The following ANK1 variants were observed in gnomAD, a reference collection of about 807,000 sequenced individuals.
The protein encoded by ANK1 is ankyrin 1, also known as ankyrin-1.
In ANK1, 51 loss-of-function variants were observed where a neutral mutation model predicts 210.4. That is an observed-to-expected ratio of 0.24 (90% CI 0.19 to 0.31). The LOEUF (loss-of-function observed/expected upper bound fraction) is 0.31. Ranked by LOEUF, ANK1 falls within the 10% of genes least tolerant of loss-of-function variation. The probability of loss-of-function intolerance (pLI) is 1.00; values close to 1 mark genes in which losing one functional copy is unlikely to be tolerated. For synonymous variants in ANK1, 967 were observed against 1,025.9 expected (o/e 0.94, Z 1.10); for missense variants, 2,051 against 2,504.4 (o/e 0.82, Z 3.86).
chr8:41,686,736 A>C (rs559291008), intron 35 of ANK1, among the ~76,000 whole-genome samples: 46 of 152,240 alleles, frequency 3.0e-4, no homozygotes, highest in Admixed American at 1.6e-3. Context: ...GAGAACAGAA[A>C]TGGACTCCTG....
intron 3 of ANK1, among the ~76,000 whole-genome samples, chr8:41,733,648 C>T (rs1167015841): frequency 3.3e-5 from 5 of 152,188 alleles, no homozygotes; most frequent in African/African-American, 7.2e-5. Flanking sequence ...TGCTGGGATT[C>T]GACTCCAGGC....
At chr8:41,855,096 G>A (rs1259812848) in intron 1 of ANK1, among the ~76,000 whole-genome samples, 1 of 152,174 alleles carries the variant, frequency 6.6e-6, no homozygotes, top group Non-Finnish European at 1.5e-5. Flanking sequence ...CAGAGACTAT[G>A]TCTTATTCAT....
chr8:41,787,908 G>GA (rs1313009796), intron 1 of ANK1, among the ~76,000 whole-genome samples: 2 of 152,050 alleles, frequency 1.3e-5, no homozygotes, highest in Admixed American at 6.5e-5. Context: ...CAGTGACCTA[G>GA]AAATGGCTAC....
At chr8:41,706,853 C>CTT (rs1276194391) in intron 17 of ANK1, among the ~76,000 whole-genome samples, 1 of 152,168 alleles carries the variant, frequency 6.6e-6, no homozygotes, top group Non-Finnish European at 1.5e-5. Flanking sequence ...CATCCCAGCA[C>CTT]TTTGGAAGGC....
intron 1 of ANK1, among the ~76,000 whole-genome samples, chr8:41,866,230 C>T (rs1461013751): frequency 6.6e-6 from 1 of 152,192 alleles, no homozygotes; most frequent in Non-Finnish European, 1.5e-5. Context: ...TACTCTGTTA[C>T]CCATGCTGAA....
intron 1 of ANK1, among the ~76,000 whole-genome samples, chr8:41,863,228 G>A (rs1205489746): frequency 1.3e-5 from 2 of 150,558 alleles, no homozygotes; most frequent in Non-Finnish European, 3.0e-5. Flanking sequence ...GCGTTGTGGC[G>A]GGCGCCTGTA....
Position 41,835,468 on chromosome 8 carries a change from A to T in ANK1, c.126+60887T>A, listed in dbSNP as rs561541151. 3.2e-4 allele frequency among the ~76,000 whole-genome samples: 49 copies of T among 152,170 alleles called. 1 individual carries two copies. Among genetic ancestry groups the T allele is most frequent in the African/African-American group, 1.1e-3 (46 of 41,542 alleles). On this transcript the variant is annotated intron_variant, in intron 1 of 42. Coordinates refer to the ANK1 transcript ENST00000265709. ...CTCCGTCTCAAAAATAAAATAAAAT[A>T]AAAATTAAATTAAAAAAAAAAGCTA...
upstream of ANK1, chr8:41,797,763 T>C: frequency 1.8e-6 from 1 of 568,254 alleles, no homozygotes; most frequent in South Asian, 2.9e-5. The surrounding 1 kb of genome is among the most constrained non-coding windows in gnomAD (Gnocchi z 4.0). Flanking sequence ...GAGCACCTCC[T>C]CCCCCAACCC....
Position 41,668,387 on chromosome 8 carries a change from A to G in ANK1, c.5274T>C (p.Ser1758=), listed in dbSNP as rs758435032. ...QEYEKVLVSV[S]EHTWTEQPEA... ...CGGGCTGTTCTGTCCACGTGTGCTC[A>G]CTTACAGACACCAGGACCTTCTCGT... is the stretch of plus-strand genomic sequence containing the variant. The change falls in exon 39 of 43, where the codon AGT becomes AGC. Residue 1758 remains serine (S), a synonymous_variant. Coordinates refer to ENST00000289734, the MANE Select transcript of ANK1 (RefSeq NM_000037.4). 7.4e-6 allele frequency: 12 copies of G among 1,614,152 alleles called. No homozygotes were observed. The highest frequency in any genetic ancestry group is 7.6e-6 in the Non-Finnish European group (9 of 1,180,038).
intron 1 of ANK1, among the ~76,000 whole-genome samples, chr8:41,773,389 G>A (rs534831417): frequency 3.9e-5 from 6 of 152,112 alleles, no homozygotes; most frequent in Admixed American, 1.3e-4. Flanking sequence ...CATTAAACCC[G>A]AGATCCCTGG....
intron 17 of ANK1, among the ~76,000 whole-genome samples, chr8:41,708,186 G>C (rs1399707404): frequency 6.6e-6 from 1 of 152,072 alleles, no homozygotes; most frequent in African/African-American, 2.4e-5. Flanking sequence ...CGATAAAACT[G>C]TTATTTAAAA....
chr8:41,717,473 C>A, intron 12 of ANK1, 131 bp downstream of exon 12: 1 of 876,576 alleles, frequency 1.1e-6, no homozygotes. Flanking sequence ...ATGTCCTCCC[C>A]CAGTCTGAAG....
intron 27 of ANK1, 108 bp downstream of exon 27, chr8:41,695,069 C>T: frequency 6.8e-7 from 1 of 1,479,562 alleles, no homozygotes; most frequent in Non-Finnish European, 9.4e-7. Flanking sequence ...TTCTCAGCCT[C>T]TTGGGGCTTC....
At chr8:41,656,778 G>C (rs2883631) in intron 42 of ANK1, among the ~76,000 whole-genome samples, 22,829 of 152,158 alleles carry the variant, frequency 0.15, 1,895 homozygotes, top group Middle Eastern at 0.27. Context: ...TGAAGGGGTT[G>C]GGGAGGAGTG....
At chr8:41,733,916 G>T in intron 3 of ANK1, 55 bp downstream of exon 3, 1 of 1,411,046 alleles carries the variant, frequency 7.1e-7, no homozygotes, top group Non-Finnish European at 1.0e-6. Context: ...TCTAAGGAAG[G>T]ACTCACAAAC....
chr8:41,827,835 A>C (rs2150794855), intron 1 of ANK1, among the ~76,000 whole-genome samples: 1 of 151,768 alleles, frequency 6.6e-6, no homozygotes, highest in East Asian at 1.9e-4. Context: ...ACGCACTCAC[A>C]CATGCACACA....
intron 1 of ANK1, among the ~76,000 whole-genome samples, chr8:41,794,437 T>G (rs1382603881): frequency 1.3e-5 from 2 of 152,026 alleles, no homozygotes. Context: ...TGTCTCAGAG[T>G]ACCCTATTTC....
At chr8:41,660,464 A>AGGCCCTTCAT (rs1404913611) in intron 42 of ANK1, 1 of 460,934 alleles carries the variant, frequency 2.2e-6, no homozygotes, top group South Asian at 1.6e-5. Context: ...AGCTGCCCCG[A>AGGCCCTTCAT]GCTGGGCAGC....
chr8:41,681,392 C>T (rs1267191633), intron 37 of ANK1, among the ~76,000 whole-genome samples: 2 of 152,248 alleles, frequency 1.3e-5, no homozygotes, highest in African/African-American at 4.8e-5. Context: ...AGGGCCTGGG[C>T]CGTCCTCTCC....
Sources: allele counts gnomAD v4.1 joint callset (sites outside exome capture counted in the v4.1 genomes callset), GRCh38; gene constraint gnomAD v4.1.1; non-coding constraint Gnocchi (gnomAD v3.1); transcripts MANE v1.5; gene names NCBI Gene and HGNC (gene_info 2026-07-23, HGNC 2026-07-21).